Variants in CACUL1 observed in about 807,000 individuals in gnomAD.
CACUL1 encodes the protein CDK2 associated cullin domain 1.
Under a neutral mutation model 45.2 loss-of-function variants are expected in CACUL1, and 13 were observed. The ratio of observed to expected loss-of-function variants is 0.29; its 90% CI spans 0.19 to 0.46. The LOEUF (loss-of-function observed/expected upper bound fraction) is 0.46. Ranked by LOEUF, CACUL1 falls within the 20% of genes least tolerant of loss-of-function variation. The pLI is 1.00. For missense variants in CACUL1, 421 were observed against 471.4 expected (o/e 0.89, Z 0.99); for synonymous variants, 197 against 174.2 (o/e 1.13, Z -1.03).
In CACUL1 at chr10:118,695,415, C is replaced by T. The variant is rs141552171; in HGVS notation, c.797-185G>A. ...TTAATCCACTGCAGTAGCTAAAATA[C>T]GTGAAGGTCTGCTGGCCACTAATGG... On this transcript the variant is annotated intron_variant, in intron 5 of 8. Transcript: ENST00000369151. 5.1e-4 allele frequency among the ~76,000 whole-genome samples: 77 copies of T among 152,190 alleles called. 1 individual carries two copies. Among genetic ancestry groups the T allele is most frequent in the Admixed American group, 4.5e-3 (68 of 15,274 alleles).
At chr10:118,695,268 T>C in intron 5 of CACUL1, 38 bp from the exon 6 acceptor site, 1 of 1,116,758 alleles carries the variant, frequency 9.0e-7, no homozygotes, top group South Asian at 1.2e-5. Flanking sequence ...ATGTAACACA[T>C]ATTGACTGTC....
chr10:118,733,340 A>G (rs1845714422), intron 1 of CACUL1, among the ~76,000 whole-genome samples: 1 of 152,206 alleles, frequency 6.6e-6, no homozygotes, highest in African/African-American at 2.4e-5. Flanking sequence ...CAAAAAAAAA[A>G]GCAGTTTCTA....
intron 1 of CACUL1, among the ~76,000 whole-genome samples, chr10:118,732,461 C>G (rs910315779): frequency 6.6e-6 from 1 of 152,174 alleles, no homozygotes; most frequent in African/African-American, 2.4e-5. Flanking sequence ...CCACACCCTA[C>G]GACTACTTCT....
chr10:118,726,290 C>T, intron 3 of CACUL1: 1 of 1,278,208 alleles, frequency 7.8e-7, no homozygotes, highest in Non-Finnish European at 1.0e-6. Flanking sequence ...ATCTAGAGAG[C>T]ACAGGAGTAG....
Position 118,679,233 on chromosome 10 carries a change from C to T in CACUL1, c.*6895G>A, listed in dbSNP as rs1430472338. On this transcript the variant is annotated 3_prime_UTR_variant, in exon 9 of 9. Transcript: ENST00000369151. ...TTTGTGTTTTTTTGAGACAGAGTCTCGCTCTGTTGCTCAGGCCAGAGTCCA... is the reference window on the plus strand; with the variant it reads ...TTTGTGTTTTTTTGAGACAGAGTCTTGCTCTGTTGCTCAGGCCAGAGTCCA... 2 of 151,952 alleles carry T rather than the reference C, an allele frequency of 1.3e-5. No individual in the cohort carries two copies. Among genetic ancestry groups the T allele is most frequent in the African/African-American group, 2.4e-5 (1 of 41,364 alleles). 9.4% of individuals were successfully genotyped at this position (151,952 alleles called of 1,614,324 possible).
rs189547314 is a variant in CACUL1 at position 118,744,718 on chromosome 10, C to T, written c.367+9678G>A. Among the ~76,000 whole-genome samples, 19 of 152,236 alleles carry T rather than the reference C, an allele frequency of 1.2e-4. No individual in the cohort carries two copies. The East Asian group carries it at 1.7e-3, about 14-fold the overall frequency. ...TCGCCCAGCTTGGAGTGCAATGATG[C>T]GGTCTCAGCTCACTGCAACCACCAC... is the stretch of plus-strand genomic sequence containing the variant. On this transcript the variant is annotated intron_variant, in intron 1 of 8. Transcript: ENST00000369151.
At chr10:118,731,078 C>A (rs918457604) in intron 1 of CACUL1, among the ~76,000 whole-genome samples, 2 of 152,136 alleles carry the variant, frequency 1.3e-5, no homozygotes, top group African/African-American at 4.8e-5. Flanking sequence ...GGCTCTTACT[C>A]CCACACTACA....
At position 118,754,601 on chromosome 10, in the gene CACUL1, C is replaced by G; in HGVS notation, c.162G>C (p.Gly54=). Residue 54 remains glycine, a synonymous_variant, in exon 1 of 9, where the codon GGG becomes GGC. Transcript: ENST00000369151. The stretch of plus-strand genomic sequence containing the variant: ...CCGCGGGCACCGCCAGCAGCTGCCC[C>G]CCCGGAGGCTCTCGGGCAGGGGCCG... ...SIPAPAREPP[G]GQLLAVPAVS... The G allele has an allele frequency of 1.2e-6, 2 of 1,608,836 alleles. No homozygotes were observed. The highest frequency in any genetic ancestry group is 1.1e-5 in the South Asian group (1 of 90,698).
chr10:118,729,137 T>G (rs1192293959), intron 3 of CACUL1, 158 bp downstream of exon 3: 1 of 571,986 alleles, frequency 1.7e-6, no homozygotes, highest in Non-Finnish European at 3.0e-6. Context: ...AACAATCTAT[T>G]CCAAAAATTA....
At chr10:118,737,680 C>G (rs1477537222) in intron 1 of CACUL1, among the ~76,000 whole-genome samples, 2 of 117,634 alleles carry the variant, frequency 1.7e-5, no homozygotes, top group East Asian at 4.7e-4. Flanking sequence ...TCCTTCATCA[C>G]TACTATCTTA....
intron 2 of CACUL1, 67 bp downstream of exon 2, chr10:118,730,217 G>C: frequency 6.7e-7 from 1 of 1,496,334 alleles, no homozygotes; most frequent in African/African-American, 1.4e-5. Flanking sequence ...TTTGTGTGAG[G>C]CATAATTCAA....
At chr10:118,707,395 G>T in intron 4 of CACUL1, 97 bp downstream of exon 4, 1 of 545,110 alleles carries the variant, frequency 1.8e-6, no homozygotes, top group Non-Finnish European at 3.2e-6. Context: ...CACAAATGTA[G>T]TAAAAGAAAA....
Position 118,682,281 on chromosome 10 carries a change from T to A in CACUL1, c.*3847A>T, listed in dbSNP as rs1000132911. The A allele has an allele frequency of 6.6e-6, 1 of 152,240 alleles. No individual in the cohort carries two copies. The highest frequency in any genetic ancestry group is 1.5e-5 in the Non-Finnish European group (1 of 68,042). 9.4% of individuals were successfully genotyped at this position (152,240 alleles called of 1,614,324 possible). Reference sequence around the variant, plus strand: ...CTTTTCAGTATCTCAGATTAGTGTATGTTCATAAAACAATGCTCAGTTATT... The same window carrying A: ...CTTTTCAGTATCTCAGATTAGTGTAAGTTCATAAAACAATGCTCAGTTATT... On this transcript the variant is annotated 3_prime_UTR_variant, in exon 9 of 9. Coordinates refer to ENST00000369151, the MANE Select transcript of CACUL1 (RefSeq NM_153810.5).
At chr10:118,706,937 C>T (rs1414690163) in intron 4 of CACUL1, among the ~76,000 whole-genome samples, 8 of 152,104 alleles carry the variant, frequency 5.3e-5, no homozygotes, top group African/African-American at 9.7e-5. Context: ...TAAAGAAGAA[C>T]GGGGATCATG....
At chr10:118,691,439 T>C in intron 6 of CACUL1, 36 bp from the exon 7 acceptor site, 2 of 1,569,846 alleles carry the variant, frequency 1.3e-6, no homozygotes, top group Non-Finnish European at 1.7e-6. Context: ...AAGGAAATCA[T>C]ATAAACACAC....
intron 7 of CACUL1, 108 bp downstream of exon 7, chr10:118,691,157 G>T: frequency 2.2e-6 from 2 of 903,348 alleles, no homozygotes; most frequent in Non-Finnish European, 3.4e-6. Context: ...CAAGACTCTT[G>T]GCCAGTTACC....
intron 3 of CACUL1, among the ~76,000 whole-genome samples, chr10:118,713,443 T>C (rs1297313500): frequency 6.6e-6 from 1 of 152,176 alleles, no homozygotes; most frequent in Non-Finnish European, 1.5e-5. Flanking sequence ...CCCCACCTGT[T>C]GACGCCTCCC....
chr10:118,715,906 T>C lies in CACUL1; in HGVS notation c.598-8319A>G, dbSNP rs377061181. ...CTTTGTAAAAGTAATGTACGTTCATTGAAATTTTTAAAAATTTAAAATGCA... is the reference window on the plus strand; with the variant it reads ...CTTTGTAAAAGTAATGTACGTTCATCGAAATTTTTAAAAATTTAAAATGCA... On this transcript the variant is annotated intron_variant, in intron 3 of 8. Coordinates refer to ENST00000369151, the MANE Select transcript of CACUL1 (RefSeq NM_153810.5). Among the ~76,000 whole-genome samples the C allele has an allele frequency of 2.6e-5, 4 of 152,188 alleles. 1 individual carries two copies. Among genetic ancestry groups the C allele is most frequent in the Non-Finnish European group, 4.4e-5 (3 of 68,032 alleles).
rs1031591035 is a variant in CACUL1 at position 118,703,831 on chromosome 10, C to CT, written c.694-2424dup. Among the ~76,000 whole-genome samples, 8 of 151,392 alleles carry CT rather than the reference C, an allele frequency of 5.3e-5. No homozygotes were observed. In the East Asian group the frequency reaches 1.2e-3, roughly 22 times the overall value. On this transcript the variant is annotated intron_variant, in intron 4 of 8. Transcript: ENST00000369151. ...TTGGGTATATTTTCATGTTTATAAT[C>CT]TTTTTTTTCTATGAACTGTCTGTTC...
Sources: allele counts gnomAD v4.1 joint callset (sites outside exome capture counted in the v4.1 genomes callset), GRCh38; gene constraint gnomAD v4.1.1; transcripts MANE v1.5; gene names NCBI Gene and HGNC (gene_info 2026-07-23, HGNC 2026-07-21).